ARID1A: variants seen among roughly 807,000 people sequenced by gnomAD.
The protein encoded by ARID1A is AT-rich interaction domain 1A.
A neutral mutation model predicts 212.6 loss-of-function variants in ARID1A; 20 were observed. The observed-to-expected ratio is 0.09, with a 90% confidence interval of 0.07 to 0.14. The LOEUF (loss-of-function observed/expected upper bound fraction) is 0.14, where lower values mean the gene tolerates loss of function less well. Among genes scored for constraint, ARID1A ranks in the 10% least tolerant of loss-of-function variants. The probability of loss-of-function intolerance (pLI) is 1.00; values close to 1 mark genes in which losing one functional copy is unlikely to be tolerated. For missense variants in ARID1A, 2,587 were observed against 3,059.0 expected, an observed-to-expected ratio of 0.85 and a Z score of 3.64; for synonymous variants, 1,376 against 1,222.1, an observed-to-expected ratio of 1.13 and a Z score of -2.63.
At chr1:26,698,451 C>T (rs2080300701) in intron 1 of ARID1A, among the ~76,000 whole-genome samples, 1 of 152,158 alleles carries the variant, frequency 6.6e-6, no homozygotes, top group African/African-American at 2.4e-5. Flanking sequence ...TGGCTGTGAC[C>T]TTGAGGAGGG....
chr1:26,748,850 CTTTT>C (rs925971777), intron 4 of ARID1A, among the ~76,000 whole-genome samples: 43 of 151,136 alleles, frequency 2.8e-4, no homozygotes, highest in Non-Finnish European at 3.5e-4. Context: ...TCATCATCAT[CTTTT>C]TTTTTATTTT....
chr1:26,766,094 T>C, intron 8 of ARID1A, 127 bp from the exon 9 acceptor site: 6 of 1,066,216 alleles, frequency 5.6e-6, no homozygotes, highest in Non-Finnish European at 8.0e-6. Context: ...GTTCTAGTTT[T>C]GGGGACCCAT....
intron 1 of ARID1A, among the ~76,000 whole-genome samples, chr1:26,728,175 G>A (rs1001047428): frequency 2.0e-4 from 30 of 152,232 alleles, no homozygotes; most frequent in African/African-American, 7.2e-4. Flanking sequence ...TAGAAACATG[G>A]GGGAGGAGTA....
intron 1 of ARID1A, among the ~76,000 whole-genome samples, chr1:26,709,424 C>T (rs2080427791): frequency 6.6e-6 from 1 of 152,056 alleles, no homozygotes; most frequent in South Asian, 2.1e-4. Flanking sequence ...CTGCTCCAGC[C>T]AGGAGGCCAG....
intron 4 of ARID1A, among the ~76,000 whole-genome samples, chr1:26,753,579 C>G (rs1400682902): frequency 6.6e-6 from 1 of 152,222 alleles, no homozygotes; most frequent in Non-Finnish European, 1.5e-5. Context: ...GCACAAAACA[C>G]ATTGGAAACA....
At chr1:26,715,944 C>T (rs1408067079) in intron 1 of ARID1A, among the ~76,000 whole-genome samples, 1 of 151,946 alleles carries the variant, frequency 6.6e-6, no homozygotes, top group Non-Finnish European at 1.5e-5. Flanking sequence ...CGGTGGCTCA[C>T]GCCTGTAATC....
At chr1:26,729,588 T>TTA in intron 1 of ARID1A, 63 bp from the exon 2 acceptor site, 1 of 1,568,988 alleles carries the variant, frequency 6.4e-7, no homozygotes, top group Non-Finnish European at 8.8e-7. Flanking sequence ...TGTACTTGGG[T>TTA]TATATATTCA....
rs1459986611 is a variant in ARID1A, at chr1:26,773,513, C to T, written c.3866+17C>T. The T allele has an allele frequency of 1.2e-6, 2 of 1,612,880 alleles. No individual in the cohort carries two copies. The highest frequency in any genetic ancestry group is 4.5e-5 in the East Asian group (2 of 44,850). ...CAGAGTGAGGTAAGCATGACCCCAG[C>T]TCCTGTCCACTCCCCCAGCACCCTG... On this transcript the variant is annotated intron_variant, in intron 15 of 19. Transcript: ENST00000324856.
chr1:26,739,923 T>C (rs1404656311), intron 4 of ARID1A, among the ~76,000 whole-genome samples: 2 of 152,036 alleles, frequency 1.3e-5, no homozygotes, highest in Non-Finnish European at 2.9e-5. Context: ...TTCTGACTGT[T>C]CTGTTTCTTT....
chr1:26,717,852 A>G (rs2080518020), intron 1 of ARID1A, among the ~76,000 whole-genome samples: 2 of 152,230 alleles, frequency 1.3e-5, no homozygotes, highest in South Asian at 2.1e-4. Flanking sequence ...AGTGAGCTAT[A>G]CTAATATCTG....
At chr1:26,712,649 T>A (rs2080465137) in intron 1 of ARID1A, among the ~76,000 whole-genome samples, 1 of 152,144 alleles carries the variant, frequency 6.6e-6, no homozygotes, top group South Asian at 2.1e-4. Context: ...GAGACCTGAT[T>A]GTGCTATTGG....
chr1:26,703,164 TC>T (rs1410960665), intron 1 of ARID1A, among the ~76,000 whole-genome samples: 4 of 152,332 alleles, frequency 2.6e-5, no homozygotes, highest in East Asian at 1.9e-4. Context: ...TACACTCTGT[TC>T]CTGGGTCAGT....
At chr1:26,743,617 G>T (rs2080808910) in intron 4 of ARID1A, among the ~76,000 whole-genome samples, 1 of 151,658 alleles carries the variant, frequency 6.6e-6, no homozygotes, top group South Asian at 2.1e-4. Flanking sequence ...GGGTCATCAT[G>T]AGGTCAAGAG....
At chr1:26,716,461 T>G (rs999168860) in intron 1 of ARID1A, among the ~76,000 whole-genome samples, 1 of 152,152 alleles carries the variant, frequency 6.6e-6, no homozygotes, top group Non-Finnish European at 1.5e-5. Flanking sequence ...TAAATTTTTA[T>G]TTATGCTTAC....
chr1:26,716,617 C>T (rs557785924), intron 1 of ARID1A, among the ~76,000 whole-genome samples: 37 of 152,010 alleles, frequency 2.4e-4, no homozygotes, highest in African/African-American at 8.9e-4. Flanking sequence ...CAGCAAGGCT[C>T]TTCTGTTTTG....
At chr1:26,744,010 T>C (rs1211776339) in intron 4 of ARID1A, among the ~76,000 whole-genome samples, 1 of 152,106 alleles carries the variant, frequency 6.6e-6, no homozygotes, top group Non-Finnish European at 1.5e-5. Flanking sequence ...TAGCTGACCA[T>C]GTATCTGTGC....
In ARID1A at chr1:26,771,601, A is replaced by G; in HGVS notation, c.3406+275A>G. ...AACTGGTGAATGGGAGGGGCACAAGAGGAGTCGGTGGAACTTATAAATGGC... is the reference window on the plus strand; with the variant it reads ...AACTGGTGAATGGGAGGGGCACAAGGGGAGTCGGTGGAACTTATAAATGGC... On this transcript the variant is annotated intron_variant, in intron 12 of 19. Transcript: ENST00000324856. This position sits in a 1 kb window ranked among gnomAD's most constrained non-coding sequence, Gnocchi z 5.4. The G allele has an allele frequency of 2.1e-6, 1 of 484,696 alleles. No individual in the cohort carries two copies. The highest frequency in any genetic ancestry group is 3.7e-6 in the Non-Finnish European group (1 of 268,522). The allele number at this position is 484,696 out of a possible 1,614,324, so 30.0% of individuals were successfully genotyped here. A position where few individuals can be genotyped will look rare whatever the true frequency, so the allele number is the denominator to read the frequency against.
chr1:26,767,042 C>T (rs1400599961), intron 10 of ARID1A, among the ~76,000 whole-genome samples: 1 of 152,164 alleles, frequency 6.6e-6, no homozygotes, highest in Non-Finnish European at 1.5e-5. Context: ...TAGGTTGGTC[C>T]TGGGTGTACT....
At position 26,753,023 on chromosome 1, in the gene ARID1A, T is replaced by C. The variant is rs556486365; in HGVS notation, c.1921-7833T>C. 2.6e-5 allele frequency: 4 copies of C among 152,344 alleles called. No homozygotes were observed. The South Asian group carries it at 8.3e-4, about 32-fold the overall frequency. 9.4% of individuals were successfully genotyped at this position (152,344 alleles called of 1,614,324 possible). A position where few individuals can be genotyped will look rare whatever the true frequency, so the allele number is the denominator to read the frequency against. On this transcript the variant is annotated intron_variant, in intron 4 of 19. Coordinates refer to ENST00000324856, the MANE Select transcript of ARID1A (RefSeq NM_006015.6). The stretch of plus-strand genomic sequence containing the variant: ...TGAGCATTGCCATGAGCCTATTCTT[T>C]ATACTTAACCTGTTGCCATTTAACC...
Sources: gnomAD v4.1 joint callset for allele counts (sites outside exome capture counted in the v4.1 genomes callset) on GRCh38, gnomAD v4.1.1 for gene constraint, Gnocchi (gnomAD v3.1) non-coding constraint, MANE v1.5 for transcripts, NCBI Gene and HGNC (gene_info 2026-07-23, HGNC 2026-07-21) for gene names.